The following MYH11 variants were observed in gnomAD, a reference collection of about 807,000 sequenced individuals.
The protein encoded by MYH11 is myosin heavy chain 11.
A neutral mutation model predicts 246.6 loss-of-function variants in MYH11; 80 were observed. That is an observed-to-expected ratio of 0.32 (90% confidence interval 0.27 to 0.39). The LOEUF (loss-of-function observed/expected upper bound fraction) is 0.39, where lower values mean the gene tolerates loss of function less well. MYH11 is among the 10% of genes least tolerant of loss of function. MYH11 has a pLI of 1.00. For synonymous variants in MYH11, 1,071 were observed against 1,015.5 expected, an observed-to-expected ratio of 1.05 and a Z score of -1.04; for missense variants, 2,158 against 2,546.8, an observed-to-expected ratio of 0.85 and a Z score of 3.29.
intron 3 of MYH11, among the ~76,000 whole-genome samples, chr16:15,817,742 A>G (rs936607797): frequency 3.3e-5 from 5 of 152,036 alleles, no homozygotes; most frequent in African/African-American, 9.7e-5. Flanking sequence ...CTGCCACAGT[A>G]TACTAGTCAA....
At chr16:15,753,583 T>C in intron 14 of MYH11, 75 bp from the exon 15 acceptor site, 1 of 1,099,734 alleles carries the variant, frequency 9.1e-7, no homozygotes, top group Non-Finnish European at 1.4e-6. Flanking sequence ...ACCCCAGCCC[T>C]CCCATTGTCC....
At chr16:15,833,385 GAGGA>G (rs1234885453) in intron 2 of MYH11, among the ~76,000 whole-genome samples, 52 of 110,604 alleles carry the variant, frequency 4.7e-4, no homozygotes, top group East Asian at 2.7e-3. Context: ...GGGAGGGAGG[GAGGA>G]AGGAAGGAAG....
At chr16:15,763,738 A>AGCTGGGG in intron 10 of MYH11, 58 bp downstream of exon 10, 1 of 717,692 alleles carries the variant, frequency 1.4e-6, no homozygotes, top group East Asian at 2.8e-5. Flanking sequence ...GTTAAATGTC[A>AGCTGGGG]CCTCCCCCAC....
intron 14 of MYH11, among the ~76,000 whole-genome samples, chr16:15,755,982 C>T (rs1596786835): frequency 6.6e-6 from 1 of 152,126 alleles, no homozygotes; most frequent in African/African-American, 2.4e-5. Context: ...CCTGTAGTCC[C>T]AGCTACTTGG....
chr16:15,814,088 G>T (rs1440693167), intron 3 of MYH11, among the ~76,000 whole-genome samples: 1 of 151,762 alleles, frequency 6.6e-6, no homozygotes, highest in African/African-American at 2.4e-5. Context: ...AGGCTGCAGT[G>T]AGCAGAGATC....
At chr16:15,757,776 A>C (rs1166882961) in intron 13 of MYH11, 51 bp downstream of exon 13, 4 of 1,612,520 alleles carry the variant, frequency 2.5e-6, no homozygotes, top group Non-Finnish European at 3.4e-6. Context: ...CACAGAGGCC[A>C]CACACGTGTA....
chr16:15,811,388 GGGA>G (rs2043134212), intron 3 of MYH11, among the ~76,000 whole-genome samples: 2 of 152,158 alleles, frequency 1.3e-5, no homozygotes, highest in Non-Finnish European at 2.9e-5. Flanking sequence ...CTACCCAGGA[GGGA>G]AGAGTAACAT....
chr16:15,718,183 G>GCCCCACCACCCT, intron 37 of MYH11, 132 bp downstream of exon 37: 2 of 1,443,280 alleles, frequency 1.4e-6, no homozygotes, highest in Non-Finnish European at 1.9e-6. Flanking sequence ...CTACTCTCAG[G>GCCCCACCACCCT]CCCCACCACC....
Position 15,763,909 on chromosome 16 carries a change from G to C in MYH11, c.1034-18C>G, listed in dbSNP as rs1332248497. On this transcript the variant is annotated intron_variant, in intron 9 of 40. Coordinates refer to ENST00000300036, the MANE Select transcript of MYH11 (RefSeq NM_002474.3). ...CAATATGGCTGAGGTGGGGAGAGAA[G>C]GGCAGAGCAGACACAAAGGTCAATG... is the stretch of plus-strand genomic sequence containing the variant. 6.3e-7 allele frequency: 1 copy of C among 1,599,558 alleles called. No homozygotes were observed. Among genetic ancestry groups the C allele is most frequent in the Non-Finnish European group, 8.6e-7 (1 of 1,167,042 alleles).
chr16:15,852,351 T>TG (rs2044351644), intron 1 of MYH11, among the ~76,000 whole-genome samples: 1 of 150,894 alleles, frequency 6.6e-6, no homozygotes, highest in African/African-American at 2.4e-5. Context: ...TTTTTTTTTT[T>TG]GAGACCGAGT....
intron 3 of MYH11, among the ~76,000 whole-genome samples, chr16:15,818,545 G>A (rs563748945): frequency 6.6e-6 from 1 of 151,966 alleles, no homozygotes; most frequent in South Asian, 2.1e-4. Context: ...CCATTCTCCT[G>A]CCTCAGCACC....
intron 31 of MYH11, among the ~76,000 whole-genome samples, 167 bp downstream of exon 31, chr16:15,723,994 G>T (rs1195607065): frequency 6.6e-6 from 1 of 152,190 alleles, no homozygotes; most frequent in African/African-American, 2.4e-5. Flanking sequence ...ACCTGGTAGC[G>T]TTAATGCTCC....
intron 14 of MYH11, among the ~76,000 whole-genome samples, chr16:15,754,448 G>C (rs1482391772): frequency 6.6e-6 from 1 of 152,072 alleles, no homozygotes; most frequent in African/African-American, 2.4e-5. Flanking sequence ...CATGGGATGT[G>C]GGTTATCAGG....
intron 14 of MYH11, 91 bp from the exon 15 acceptor site, chr16:15,753,599 G>C: frequency 2.1e-6 from 2 of 959,864 alleles, no homozygotes; most frequent in East Asian, 2.4e-5. Context: ...TGTCCTTCCA[G>C]ATCTTCTGAG....
intron 3 of MYH11, among the ~76,000 whole-genome samples, chr16:15,811,750 G>A (rs898169548): frequency 1.1e-4 from 17 of 152,190 alleles, no homozygotes; most frequent in Non-Finnish European, 1.8e-4. Flanking sequence ...CACTCCACCC[G>A]CAGAGTTGTC....
At chr16:15,767,258 C>T (rs975253224) in intron 9 of MYH11, among the ~76,000 whole-genome samples, 1 of 152,044 alleles carries the variant, frequency 6.6e-6, no homozygotes, top group Non-Finnish European at 1.5e-5. Context: ...AGAGACTCTA[C>T]ATGAGTCTCA....
chr16:15,720,527 T>A (rs927780866), intron 33 of MYH11, among the ~76,000 whole-genome samples: 2 of 150,968 alleles, frequency 1.3e-5, no homozygotes, highest in African/African-American at 4.9e-5. Context: ...GGAGAATGGA[T>A]CACTTGAGGC....
chr16:15,708,374 T>C (rs1385060599), intron 40 of MYH11, among the ~76,000 whole-genome samples: 1 of 152,226 alleles, frequency 6.6e-6, no homozygotes, highest in Non-Finnish European at 1.5e-5. Context: ...TCCAGGAATG[T>C]GCCCAGATAG....
intron 4 of MYH11, among the ~76,000 whole-genome samples, chr16:15,790,311 C>G (rs1035511044): frequency 3.2e-5 from 4 of 124,342 alleles, no homozygotes; most frequent in Non-Finnish European, 1.7e-5. Flanking sequence ...TCTCAAAAAA[C>G]AAACAAACAA....
Sources: gnomAD v4.1 joint callset for allele counts (sites outside exome capture counted in the v4.1 genomes callset) on GRCh38, gnomAD v4.1.1 for gene constraint, MANE v1.5 for transcripts, NCBI Gene and HGNC (gene_info 2026-07-23, HGNC 2026-07-21) for gene names.